ATAD3B: variants seen among roughly 807,000 people sequenced by gnomAD.
ATAD3B encodes the protein ATPase family AAA domain-containing protein 3B.
A neutral mutation model predicts 70.2 loss-of-function variants in ATAD3B; 59 were observed. The ratio of observed to expected loss-of-function variants is 0.84; its 90% CI spans 0.68 to 1.04. ATAD3B has a LOEUF of 1.04. ATAD3B is among the 50% of genes least tolerant of loss of function. The pLI is 0.00. For synonymous variants in ATAD3B, 423 were observed against 388.6 expected (o/e 1.09, Z -1.04); for missense variants, 961 against 913.4 (o/e 1.05, Z -0.67).
intron 15 of ATAD3B, among the ~76,000 whole-genome samples, chr1:1,491,798 A>G (rs1640553925): frequency 6.6e-6 from 1 of 151,980 alleles, no homozygotes; most frequent in South Asian, 2.1e-4. Context: ...GCTGTGACAA[A>G]GAGTCCCAGA....
chr1:1,481,087 C>T (rs1257388285), intron 5 of ATAD3B, 151 bp downstream of exon 5: 1 of 1,438,318 alleles, frequency 7.0e-7, no homozygotes, highest in Non-Finnish European at 9.1e-7. Flanking sequence ...GTGGGGCTCC[C>T]TCTCGGAAGA....
At chr1:1,482,792 A>G (rs895864525) in intron 7 of ATAD3B, 178 bp downstream of exon 7, 2 of 1,025,300 alleles carry the variant, frequency 2.0e-6, no homozygotes, top group Non-Finnish European at 2.9e-6. Flanking sequence ...AGCTGGGAGA[A>G]AAAAATGCAG....
intron 10 of ATAD3B, 80 bp downstream of exon 10, chr1:1,486,315 C>T: frequency 6.2e-7 from 1 of 1,606,508 alleles, no homozygotes; most frequent in Non-Finnish European, 8.5e-7. Flanking sequence ...GCCTCAGCCG[C>T]CTGGGGAATG....
chr1:1,488,930 T>A (rs1033912994), intron 12 of ATAD3B, among the ~76,000 whole-genome samples: 4 of 151,880 alleles, frequency 2.6e-5, no homozygotes, highest in Admixed American at 6.6e-5. Context: ...GCATGGCTAA[T>A]TTTTGTATTT....
chr1:1,480,943 T>C lies in ATAD3B; in HGVS notation c.514+7T>C. On this transcript the variant is annotated splice_region_variant and intron_variant, in intron 5 of 15. Coordinates refer to ENST00000673477, the MANE Select transcript of ATAD3B (RefSeq NM_031921.6). ...CAGGAAGCCATGCGGCGAGGTAGGC[T>C]GTCTGCTCTCCTGGCTGGGGCGGAG... is the stretch of plus-strand genomic sequence containing the variant. 4 of 1,590,972 alleles carry C rather than the reference T, an allele frequency of 2.5e-6. No homozygotes were observed. Among genetic ancestry groups the C allele is most frequent in the Non-Finnish European group, 3.4e-6 (4 of 1,171,444 alleles).
At chr1:1,503,797 C>A in the ATAD3B span, 3 of 1,321,882 alleles carry the variant, frequency 2.3e-6, no homozygotes, top group South Asian at 1.3e-5. Flanking sequence ...CGAGCTTGGG[C>A]GCCTCATTTC....
the ATAD3B span, chr1:1,503,443 A>T: frequency 4.2e-6 from 3 of 716,102 alleles, no homozygotes; most frequent in Non-Finnish European, 7.2e-6. Flanking sequence ...TCTGACTAGG[A>T]AGGAGGATGG....
the ATAD3B span, among the ~76,000 whole-genome samples, chr1:1,506,643 A>ATTTCCATTTAT: frequency 6.6e-6 from 1 of 152,162 alleles, no homozygotes; most frequent in African/African-American, 2.4e-5. Context: ...TTGTAAATGG[A>ATTTCCATTTAT]AATGGTTTCA....
rs867285445 is a variant in ATAD3B, at chr1:1,497,478, G to A, written c.*1661G>A. 4.0e-5 allele frequency: 6 copies of A among 149,500 alleles called. No homozygotes were observed. The highest frequency in any genetic ancestry group is 9.9e-5 in the African/African-American group (4 of 40,234). 9.3% of individuals were successfully genotyped at this position (149,500 alleles called of 1,614,324 possible). ...ACTCTTGGCCTCAGGAGATCCTCCC[G>A]CCTCTACAGGATGAGCCACCAAGCC... is the stretch of plus-strand genomic sequence containing the variant. On this transcript the variant is annotated 3_prime_UTR_variant, in exon 16 of 16. Coordinates refer to ENST00000673477, the MANE Select transcript of ATAD3B (RefSeq NM_031921.6).
At chr1:1,494,814 A>G (rs1021523494) in intron 15 of ATAD3B, among the ~76,000 whole-genome samples, 24 of 151,990 alleles carry the variant, frequency 1.6e-4, no homozygotes, top group East Asian at 5.8e-4. Context: ...TGAGCACGGC[A>G]CCTAGTGGGG....
At chr1:1,504,329 C>T in the ATAD3B span, among the ~76,000 whole-genome samples, 1 of 151,822 alleles carries the variant, frequency 6.6e-6, no homozygotes, top group Non-Finnish European at 1.5e-5. Context: ...TCACATGTTG[C>T]CTGTTGTGGG....
At chr1:1,482,091 A>G (rs1447812111) in intron 5 of ATAD3B, 47 bp from the exon 6 acceptor site, 1 of 1,581,708 alleles carries the variant, frequency 6.3e-7, no homozygotes, top group East Asian at 2.3e-5. Flanking sequence ...GTGGAGGTGG[A>G]CGTGCTGCAC....
intron 6 of ATAD3B, 53 bp from the exon 7 acceptor site, chr1:1,482,492 G>A: frequency 1.9e-6 from 3 of 1,613,112 alleles, no homozygotes; most frequent in Non-Finnish European, 1.7e-6. Context: ...TGCTCTCGCT[G>A]CGTGGTACGG....
At chr1:1,499,845 C>T (rs1253304528), downstream of ATAD3B, among the ~76,000 whole-genome samples, 8 of 151,052 alleles carry the variant, frequency 5.3e-5, no homozygotes, top group African/African-American at 7.3e-5. Context: ...CCACCCACCT[C>T]GGCCTCCCGA....
chr1:1,472,872 C>T (rs1309142889), intron 1 of ATAD3B, among the ~76,000 whole-genome samples: 1 of 151,946 alleles, frequency 6.6e-6, no homozygotes, highest in Non-Finnish European at 1.5e-5. Context: ...ATCGCCCTGT[C>T]GCCGAGGCTG....
At position 1,489,576 on chromosome 1, in the gene ATAD3B, G is replaced by A. The variant is rs1448169907; in HGVS notation, c.1337+302G>A. The A allele has an allele frequency of 8.1e-5, 87 of 1,079,554 alleles. 1 individual carries two copies. The highest frequency in any genetic ancestry group is 1.1e-4 in the East Asian group (3 of 28,342). The allele number at this position is 1,079,554 out of a possible 1,614,324, so 66.9% of individuals were successfully genotyped here. A position where few individuals can be genotyped will look rare whatever the true frequency, so the allele number is the denominator to read the frequency against. On this transcript the variant is annotated intron_variant, in intron 13 of 15. Coordinates refer to ENST00000673477, the MANE Select transcript of ATAD3B (RefSeq NM_031921.6). ...CGGTCCTGTGCCTGCAAGGGAGGTG[G>A]TCTGATTGCTGCCGCCCAGAGGTCC... is the stretch of plus-strand genomic sequence containing the variant.
At position 1,477,049 on chromosome 1, in the gene ATAD3B, C is replaced by G. The variant is rs1434799159; in HGVS notation, c.206-225C>G. Among the ~76,000 whole-genome samples the G allele has an allele frequency of 4.6e-5, 7 of 151,866 alleles. No individual in the cohort carries two copies. In the East Asian group the frequency reaches 5.8e-4, roughly 13 times the overall value. ...GATTTTATTTTTCTTAAGTCTCACT[C>G]TGTCCAGCTGGAGTGCAGCAGTGTG... On this transcript the variant is annotated intron_variant, in intron 1 of 15. Coordinates refer to ENST00000673477, the MANE Select transcript of ATAD3B (RefSeq NM_031921.6).
Position 1,478,361 on chromosome 1 carries a change from T to TG in ATAD3B, c.283-282dup. ...TCATCACAGTCCAAAAGTGAGCACCTGCCTGGAGCTGCCCAGAAACAGCCT... is the reference window on the plus strand; with the variant it reads ...TCATCACAGTCCAAAAGTGAGCACCTGGCCTGGAGCTGCCCAGAAACAGCCT... On this transcript the variant is annotated intron_variant, in intron 2 of 15. Transcript: ENST00000673477. The TG allele has an allele frequency of 2.1e-6, 3 of 1,413,952 alleles. No individual in the cohort carries two copies. The East Asian group carries it at 7.5e-5, about 35-fold the overall frequency. The allele number at this position is 1,413,952 out of a possible 1,614,324, so 87.6% of individuals were successfully genotyped here. A position where few individuals can be genotyped will look rare whatever the true frequency, so the allele number is the denominator to read the frequency against.
At chr1:1,489,406 C>T in intron 13 of ATAD3B, 132 bp downstream of exon 13, 2 of 1,489,756 alleles carry the variant, frequency 1.3e-6, no homozygotes, top group Non-Finnish European at 1.8e-6. Flanking sequence ...TCAGATGTCC[C>T]CTGGGAACGG....
Sources: gnomAD v4.1 joint callset for allele counts (sites outside exome capture counted in the v4.1 genomes callset) on GRCh38, gnomAD v4.1.1 for gene constraint, MANE v1.5 for transcripts, NCBI Gene and HGNC (gene_info 2026-07-23, HGNC 2026-07-21) for gene names.